PEDS1: variants seen among roughly 807,000 people sequenced by gnomAD.
PEDS1 encodes the protein plasmanylethanolamine desaturase 1.
Under a neutral mutation model 35.2 loss-of-function variants are expected in PEDS1, and 14 were observed. The ratio of observed to expected loss-of-function variants is 0.40; its 90% CI spans 0.26 to 0.62. The LOEUF is 0.62. PEDS1 is among the 20% of genes least tolerant of loss of function. PEDS1 has a pLI of 0.44. For synonymous variants in PEDS1, 152 were observed against 152.0 expected, an observed-to-expected ratio of 1.00 and a Z score of 0.00; for missense variants, 260 against 367.8, an observed-to-expected ratio of 0.71 and a Z score of 2.40.
At position 50,119,435 on chromosome 20, in the gene PEDS1, CAAAAAAAAAAA is replaced by C. The variant is rs61641243; in HGVS notation, c.*5612_*5622del. On this transcript the variant is annotated 3_prime_UTR_variant, in exon 6 of 6. Transcript: ENST00000371652. The stretch of plus-strand genomic sequence containing the variant: ...CAGGTAATAGAGCAAGACTTTGTCT[CAAAAAAAAAAA>C]AAAAAAAAAGTCAAGTCCATTCCAT... 2.2e-4 allele frequency: 17 copies of C among 76,484 alleles called. No individual in the cohort carries two copies. The highest frequency in any genetic ancestry group is 8.4e-4 in the African/African-American group (17 of 20,160). The allele number at this position is 76,484 out of a possible 1,614,324, so 4.7% of individuals were successfully genotyped here.
chr20:50,152,677 TCTGGGGAA>T (rs1196418492), intron 1 of PEDS1, among the ~76,000 whole-genome samples: 1 of 152,010 alleles, frequency 6.6e-6, no homozygotes, highest in Non-Finnish European at 1.5e-5. Context: ...TATGATCTGG[TCTGGGGAA>T]TATGGGGGTT....
intron 1 of PEDS1, among the ~76,000 whole-genome samples, chr20:50,146,622 C>T (rs1480508727): frequency 6.6e-6 from 1 of 152,114 alleles, no homozygotes; most frequent in African/African-American, 2.4e-5. Context: ...CTGCTCCTGA[C>T]CTACCCTGAC....
chr20:50,140,132 TTC>T (rs2081277832), intron 2 of PEDS1, among the ~76,000 whole-genome samples: 1 of 152,196 alleles, frequency 6.6e-6, no homozygotes, highest in South Asian at 2.1e-4. Flanking sequence ...GTCAAGCTAA[TTC>T]TCTCTCACCT....
At chr20:50,126,104 G>T (rs2081100450) in intron 5 of PEDS1, among the ~76,000 whole-genome samples, 1 of 152,056 alleles carries the variant, frequency 6.6e-6, no homozygotes, top group South Asian at 2.1e-4. Flanking sequence ...TTCTGTGTTT[G>T]TTCACCCCCC....
rs1329506982 is a variant in PEDS1, at chr20:50,125,037, C to A, written c.*21G>T. ...TTGGGGGCTAGGGAAGGTTGGCAAC[C>A]AGGTAGCAGGCTCGGAGAAGTTATT... On this transcript the variant is annotated 3_prime_UTR_variant, in exon 6 of 6. Coordinates refer to ENST00000371652, the MANE Select transcript of PEDS1 (RefSeq NM_199129.4). 2 of 1,612,208 alleles carry A rather than the reference C, an allele frequency of 1.2e-6. No individual in the cohort carries two copies. Among genetic ancestry groups the A allele is most frequent in the Non-Finnish European group, 1.7e-6 (2 of 1,178,612 alleles).
At position 50,143,575 on chromosome 20, in the gene PEDS1, G is replaced by A. The variant is rs1204391057; in HGVS notation, c.168C>T (p.Leu56=). 6.2e-7 allele frequency: 1 copy of A among 1,614,064 alleles called. No homozygotes were observed. The highest frequency in any genetic ancestry group is 1.7e-5 in the Admixed American group (1 of 60,012). The change falls in exon 2 of 6, where the codon CTC becomes CTT. Residue 56 remains leucine (L), a synonymous_variant. Transcript: ENST00000371652. ...GGAGATGGACCAGGTTGTGGGCGATGAGGCTGAAGCACAGGATCACAGAGC... is the reference window on the plus strand; with the variant it reads ...GGAGATGGACCAGGTTGTGGGCGATAAGGCTGAAGCACAGGATCACAGAGC... ...EWCSVILCFS[L]IAHNLVHLLL...
rs922391963 is a variant in PEDS1 at position 50,128,693 on chromosome 20, T to A, written c.479-506A>T. Among the ~76,000 whole-genome samples, 2 of 152,052 alleles carry A rather than the reference T, an allele frequency of 1.3e-5. No individual in the cohort carries two copies. The highest frequency in any genetic ancestry group is 4.8e-5 in the African/African-American group (2 of 41,398). On this transcript the variant is annotated intron_variant, in intron 4 of 5. Coordinates refer to ENST00000371652, the MANE Select transcript of PEDS1 (RefSeq NM_199129.4). The surrounding 1 kb of genome is among the most constrained non-coding windows in gnomAD (Gnocchi z 5.2). ...CGGCAGGGGAAGAGCAGAGCAAAGA[T>A]GGGGTGGGTGGCGTCCTGTCTCAGT...
intron 2 of PEDS1, among the ~76,000 whole-genome samples, chr20:50,134,525 C>T (rs232746): frequency 0.3 from 45,943 of 152,042 alleles, 7,004 homozygotes; most frequent in Middle Eastern, 0.4. Flanking sequence ...CCAGGCTAGG[C>T]AACAAGAGCA....
At chr20:50,148,404 C>T (rs768811444) in intron 1 of PEDS1, among the ~76,000 whole-genome samples, 11 of 152,194 alleles carry the variant, frequency 7.2e-5, no homozygotes, top group Non-Finnish European at 1.5e-4. Flanking sequence ...ACACAGGAGG[C>T]CCGGGCTGTC....
chr20:50,136,438 C>T (rs377323525), intron 2 of PEDS1, among the ~76,000 whole-genome samples: 8 of 152,150 alleles, frequency 5.3e-5, no homozygotes, highest in East Asian at 1.9e-4. Flanking sequence ...TGAATGAGGA[C>T]GGAGGCTGGG....
chr20:50,142,125 T>G (rs1421419118), intron 2 of PEDS1, among the ~76,000 whole-genome samples: 1 of 152,222 alleles, frequency 6.6e-6, no homozygotes, highest in Non-Finnish European at 1.5e-5. Context: ...TAGTCCCTTC[T>G]CTGAGCCTCA....
rs1280932427 is a variant in PEDS1, at chr20:50,122,562, G to T, written c.*2496C>A. The T allele has an allele frequency of 6.6e-6, 1 of 152,138 alleles. No individual in the cohort carries two copies. Among genetic ancestry groups the T allele is most frequent in the Non-Finnish European group, 1.5e-5 (1 of 68,042 alleles). The allele number at this position is 152,138 out of a possible 1,614,324, so 9.4% of individuals were successfully genotyped here. ...TACTAAAAATACGAAAATTAGCCGG[G>T]CATGGTGGTGGGCGCCTGTAATCCC... On this transcript the variant is annotated 3_prime_UTR_variant, in exon 6 of 6. Coordinates refer to ENST00000371652, the MANE Select transcript of PEDS1 (RefSeq NM_199129.4).
At chr20:50,126,658 G>C (rs954750783) in intron 5 of PEDS1, among the ~76,000 whole-genome samples, 9 of 152,182 alleles carry the variant, frequency 5.9e-5, no homozygotes, top group African/African-American at 2.2e-4. Flanking sequence ...TTGCCTAAAG[G>C]CACATGTGGA....
chr20:50,138,925 C>T (rs1276366527), intron 2 of PEDS1, among the ~76,000 whole-genome samples: 3 of 152,192 alleles, frequency 2.0e-5, no homozygotes, highest in East Asian at 3.9e-4. Flanking sequence ...CCCGTGCGGG[C>T]TTCCATTTCC....
At chr20:50,150,988 G>A (rs989065353) in intron 1 of PEDS1, among the ~76,000 whole-genome samples, 3 of 152,094 alleles carry the variant, frequency 2.0e-5, no homozygotes, top group East Asian at 1.9e-4. Context: ...GAGCCACCGC[G>A]CCCGGCCAGC....
At chr20:50,138,238 C>T (rs1259712099) in intron 2 of PEDS1, among the ~76,000 whole-genome samples, 2 of 152,158 alleles carry the variant, frequency 1.3e-5, no homozygotes, top group African/African-American at 4.8e-5. Context: ...ACAGGCCCCA[C>T]CCCATCCTGA....
In PEDS1 at chr20:50,126,606, TA is replaced by T. The variant is rs2081107683; in HGVS notation, c.691+1368del. Reference sequence around the variant, plus strand: ...TATATGAAGGAGGCGGCTGCAGCCCTATTTTGTAAGGAGAAAAGCGGTCCCC... The same window carrying T: ...TATATGAAGGAGGCGGCTGCAGCCCTTTTTGTAAGGAGAAAAGCGGTCCCC... On this transcript the variant is annotated intron_variant, in intron 5 of 5. Coordinates refer to ENST00000371652, the MANE Select transcript of PEDS1 (RefSeq NM_199129.4). Among the ~76,000 whole-genome samples, 5 of 152,330 alleles carry T rather than the reference TA, an allele frequency of 3.3e-5. No individual in the cohort carries two copies. In the South Asian group the frequency reaches 1.0e-3, roughly 32 times the overall value.
chr20:50,134,210 G>A (rs1000874827), intron 2 of PEDS1, among the ~76,000 whole-genome samples: 58 of 152,144 alleles, frequency 3.8e-4, no homozygotes, highest in African/African-American at 1.3e-3. Flanking sequence ...CCCATAGCTC[G>A]GACTAATGAC....
At chr20:50,139,922 G>A (rs888129022) in intron 2 of PEDS1, among the ~76,000 whole-genome samples, 7 of 151,926 alleles carry the variant, frequency 4.6e-5, no homozygotes, top group African/African-American at 1.2e-4. Flanking sequence ...CACCATGCCC[G>A]GCCGGACCCC....
Sources: allele counts gnomAD v4.1 joint callset (sites outside exome capture counted in the v4.1 genomes callset), GRCh38; gene constraint gnomAD v4.1.1; non-coding constraint Gnocchi (gnomAD v3.1); transcripts MANE v1.5; gene names NCBI Gene and HGNC (gene_info 2026-07-23, HGNC 2026-07-21).